PRR14L: variants seen among roughly 807,000 people sequenced by gnomAD.
PRR14L encodes proline rich 14 like, also known as protein PRR14L.
Under a neutral mutation model 155.0 loss-of-function variants are expected in PRR14L, and 80 were observed. That is an observed-to-expected ratio of 0.52 (90% confidence interval 0.43 to 0.62). PRR14L has a LOEUF of 0.62. Ranked by LOEUF, PRR14L falls within the 20% of genes least tolerant of loss-of-function variation. PRR14L has a pLI of 0.00. For synonymous variants in PRR14L, 883 were observed against 916.0 expected (o/e 0.96, Z 0.65); for missense variants, 2,469 against 2,548.0 (o/e 0.97, Z 0.67).
chr22:31,693,611 G>A (rs541687871), intron 7 of PRR14L, among the ~76,000 whole-genome samples: 2 of 152,312 alleles, frequency 1.3e-5, no homozygotes, highest in African/African-American at 4.8e-5. Context: ...GTATGGTATG[G>A]TATGTAGGTT....
chr22:31,706,470 G>C (rs1472840771), intron 4 of PRR14L, among the ~76,000 whole-genome samples: 1 of 143,264 alleles, frequency 7.0e-6, no homozygotes. Flanking sequence ...TGTCACCCAG[G>C]CTGGAGTGCA....
chr22:31,708,349 CAG>C (rs1356776899), intron 4 of PRR14L, among the ~76,000 whole-genome samples: 3 of 151,972 alleles, frequency 2.0e-5, no homozygotes, highest in African/African-American at 7.2e-5. Context: ...ATTTTTGAGA[CAG>C]AGTCTCACTC....
chr22:31,731,172 C>A (rs1211445975), intron 2 of PRR14L, among the ~76,000 whole-genome samples: 1 of 152,100 alleles, frequency 6.6e-6, no homozygotes, highest in Non-Finnish European at 1.5e-5. Context: ...GTATTTAGAG[C>A]CAAGACTAGG....
chr22:31,725,400 AGTTACAGTTTCT>A, intron 3 of PRR14L, 126 bp downstream of exon 3: 1 of 641,838 alleles, frequency 1.6e-6, no homozygotes, highest in Non-Finnish European at 2.8e-6. Context: ...TCTACAGTGA[AGTTACAGTTTCT>A]ATAGTTAAGT....
At chr22:31,694,190 T>A (rs1337838877) in intron 7 of PRR14L, among the ~76,000 whole-genome samples, 6 of 152,024 alleles carry the variant, frequency 3.9e-5, no homozygotes, top group Non-Finnish European at 7.4e-5. Flanking sequence ...GGGAGGAGAA[T>A]CGCTTGAACT....
intron 2 of PRR14L, among the ~76,000 whole-genome samples, chr22:31,730,525 A>C (rs1238582173): frequency 6.6e-6 from 1 of 151,998 alleles, no homozygotes; most frequent in African/African-American, 2.4e-5. Flanking sequence ...TCCTATCAGG[A>C]GGCACTGTCC....
Position 31,715,683 on chromosome 22 carries a change from G to A in PRR14L, c.2156C>T (p.Pro719Leu). The A allele has an allele frequency of 6.4e-7, 1 of 1,552,202 alleles. No individual in the cohort carries two copies. The highest frequency in any genetic ancestry group is 8.7e-7 in the Non-Finnish European group (1 of 1,147,034). Reference sequence around the variant, plus strand: ...AGAGGCACCACAGGTTTGGTTACCTGGTGGAGAGATGTCTTTTATTTTTGT... The same window carrying A: ...AGAGGCACCACAGGTTTGGTTACCTAGTGGAGAGATGTCTTTTATTTTTGT... ...IQTKIKDISP[P>L]GNQTCGASSN... Residue 719 changes from proline (P) to leucine (L), a missense_variant, in exon 4 of 9, where the codon CCA (proline) becomes CTA (leucine). By Grantham distance (98) the Pro-to-Leu change is moderately conservative. Around this residue, in one of 2 missense-constraint regions of PRR14L, gnomAD observed 2,363 missense variants for 2,371.6 expected, o/e 1.00. Coordinates refer to ENST00000327423, the MANE Select transcript of PRR14L (RefSeq NM_173566.3).
intron 3 of PRR14L, among the ~76,000 whole-genome samples, chr22:31,719,642 T>G (rs933102452): frequency 1.3e-5 from 2 of 152,066 alleles, no homozygotes; most frequent in Admixed American, 6.6e-5. Flanking sequence ...GGCTTCCCTA[T>G]CCATTTCTCA....
In PRR14L at chr22:31,742,525, C is replaced by T. The variant is rs149861540; in HGVS notation, c.-51-3614G>A. Among the ~76,000 whole-genome samples, 392 of 152,214 alleles carry T rather than the reference C, an allele frequency of 2.6e-3. 2 individuals carry two copies. Among genetic ancestry groups the T allele is most frequent in the African/African-American group, 8.4e-3 (350 of 41,518 alleles). On this transcript the variant is annotated intron_variant, in intron 1 of 8. Coordinates refer to ENST00000327423, the MANE Select transcript of PRR14L (RefSeq NM_173566.3). Reference sequence around the variant, plus strand: ...GGGATTACAGGCACATGCCATCACGCGTGGCTAATTTTTGTATTTTTAGTA... The same window carrying T: ...GGGATTACAGGCACATGCCATCACGTGTGGCTAATTTTTGTATTTTTAGTA...
intron 2 of PRR14L, among the ~76,000 whole-genome samples, chr22:31,731,933 G>T (rs1235221677): frequency 6.6e-6 from 1 of 152,078 alleles, no homozygotes; most frequent in East Asian, 1.9e-4. Flanking sequence ...TTTCTATTCA[G>T]CTTTGGGCCC....
At chr22:31,699,454 T>G (rs1478965691) in intron 7 of PRR14L, among the ~76,000 whole-genome samples, 1 of 152,222 alleles carries the variant, frequency 6.6e-6, no homozygotes, top group East Asian at 1.9e-4. Context: ...GCCAACATGA[T>G]GCTCAAAGGT....
intron 7 of PRR14L, among the ~76,000 whole-genome samples, chr22:31,699,405 CAA>C (rs1309504399): frequency 6.6e-6 from 1 of 152,158 alleles, no homozygotes; most frequent in Non-Finnish European, 1.5e-5. Context: ...ACTGAAAATC[CAA>C]AATCTGAAAT....
chr22:31,713,954 A>C lies in PRR14L; in HGVS notation c.3885T>G (p.Ser1295Arg), dbSNP rs1401766208. Residue 1295 changes from serine to arginine, a missense_variant, in exon 4 of 9, where the codon AGT becomes AGG. Physicochemically the swap from Ser to Arg is moderately radical, Grantham distance 110. This residue lies in a region of PRR14L where 2,363 missense variants were observed against 2,371.6 expected (regional missense o/e 1.00). Transcript: ENST00000327423. The stretch of plus-strand genomic sequence containing the variant: ...CACAGGTACATACGCTGTCTCTGTC[A>C]CTAGAATTACTCCAATCTCTTGATA... ...EIVSRDWSNS[S>R]DRDSVCTCVE... The C allele has an allele frequency of 5.8e-6, 9 of 1,551,752 alleles. No individual in the cohort carries two copies. The highest frequency in any genetic ancestry group is 1.2e-5 in the South Asian group (1 of 84,056).
chr22:31,728,217 T>C (rs1200287893), intron 2 of PRR14L, among the ~76,000 whole-genome samples: 2 of 152,142 alleles, frequency 1.3e-5, no homozygotes, highest in African/African-American at 2.4e-5. Context: ...TGCTCCAAAA[T>C]AGCCAATCAT....
At position 31,714,152 on chromosome 22, in the gene PRR14L, A is replaced by C; in HGVS notation, c.3687T>G (p.Ser1229=). 6.4e-7 allele frequency: 1 copy of C among 1,551,676 alleles called. No individual in the cohort carries two copies. The highest frequency in any genetic ancestry group is 1.2e-5 in the South Asian group (1 of 84,044). ...TGGATTTCAGGCTTCTTAGGGAAAC[A>C]GAGCTTTCATCATGGCAAGACATCG... ...KESMSCHDES[S]VSLRSLKSIE... Residue 1229 remains serine (S), a synonymous_variant, in exon 4 of 9, where the codon TCT becomes TCG. Transcript: ENST00000327423.
chr22:31,714,849 T>G lies in PRR14L; in HGVS notation c.2990A>C (p.Gln997Pro). Residue 997 changes from glutamine (Q) to proline (P), a missense_variant, in exon 4 of 9, where the codon CAG (glutamine) becomes CCG (proline). Physicochemically the swap from Gln to Pro is moderately conservative, Grantham distance 76. Transcript: ENST00000327423. ...QSAKEMLSSD[Q>P]RETVTEPHGE... ...GTGAGGCTCGGTGACAGTCTCTCTC[T>G]GGTCACTACTTAGCATCTCCTTGGC... The G allele has an allele frequency of 6.4e-7, 1 of 1,552,040 alleles. No individual in the cohort carries two copies. Among genetic ancestry groups the G allele is most frequent in the Non-Finnish European group, 8.7e-7 (1 of 1,147,050 alleles).
At chr22:31,728,014 C>T (rs899308644) in intron 2 of PRR14L, among the ~76,000 whole-genome samples, 5 of 151,488 alleles carry the variant, frequency 3.3e-5, no homozygotes, top group African/African-American at 9.7e-5. Flanking sequence ...TTGAATCAAT[C>T]GACAATAAAA....
chr22:31,744,746 A>G (rs1352083303), intron 1 of PRR14L, among the ~76,000 whole-genome samples: 1 of 152,170 alleles, frequency 6.6e-6, no homozygotes, highest in Non-Finnish European at 1.5e-5. Context: ...ATTCATTTCC[A>G]TCCCCACAGT....
At chr22:31,704,391 G>A in intron 5 of PRR14L, 2 of 306,330 alleles carry the variant, frequency 6.5e-6, no homozygotes, top group Non-Finnish European at 1.2e-5. Flanking sequence ...AATAGCTTGA[G>A]AGGGGACTTC....
Sources: allele counts gnomAD v4.1 joint callset (sites outside exome capture counted in the v4.1 genomes callset), GRCh38; gene constraint gnomAD v4.1.1; regional missense constraint gnomAD v4.1.1; transcripts MANE v1.5; gene names NCBI Gene and HGNC (gene_info 2026-07-23, HGNC 2026-07-21).